Variants in ADAMTSL1 observed in about 807,000 individuals in gnomAD.
ADAMTSL1 encodes the protein ADAMTS like 1, also known as ADAMTS-like protein 1.
ADAMTSL1 carries 126 observed loss-of-function variants against 201.8 expected under a neutral mutation model. The observed-to-expected ratio is 0.62, with a 90% CI of 0.54 to 0.72. The LOEUF (loss-of-function observed/expected upper bound fraction) is 0.72. Ranked by LOEUF, ADAMTSL1 falls within the 30% of genes least tolerant of loss-of-function variation. The probability of loss-of-function intolerance (pLI) is 0.00; values close to 1 mark genes in which losing one functional copy is unlikely to be tolerated. For missense variants in ADAMTSL1, 2,679 were observed against 2,277.8 expected (o/e 1.18, Z -3.59); for synonymous variants, 1,121 against 903.4 (o/e 1.24, Z -4.32).
chr9:18,209,125 G>T (rs1427746253), intron 2 of ADAMTSL1, among the ~76,000 whole-genome samples: 1 of 152,090 alleles, frequency 6.6e-6, no homozygotes, highest in African/African-American at 2.4e-5. Context: ...ATTCAAATCT[G>T]CATTGTATAA....
rs76908162 is a variant in ADAMTSL1 at position 18,527,109 on chromosome 9, G to C, written c.192-6138G>C. On this transcript the variant is annotated intron_variant, in intron 2 of 28. Transcript: ENST00000380548. ...TGCACTCCAGGCTGGGTAACAGAAT[G>C]AGATGAGATGCTGTCTCAAAAAAGC... Among the ~76,000 whole-genome samples, 43 of 152,236 alleles carry C rather than the reference G, an allele frequency of 2.8e-4. No homozygotes were observed. The East Asian group carries it at 8.3e-3, about 29-fold the overall frequency.
chr9:18,131,884 G>A (rs1825967355), intron 1 of ADAMTSL1, among the ~76,000 whole-genome samples: 1 of 151,894 alleles, frequency 6.6e-6, no homozygotes, highest in Non-Finnish European at 1.5e-5. Context: ...TGGTGGGCAG[G>A]GTGAGATGAA....
intron 2 of ADAMTSL1, among the ~76,000 whole-genome samples, chr9:18,350,326 A>G (rs144728712): frequency 1.6e-3 from 242 of 152,196 alleles, no homozygotes; most frequent in African/African-American, 5.5e-3. Flanking sequence ...TGCTGCTGCT[A>G]AGGGCAGGGG....
chr9:18,102,945 C>A (rs912624430), intron 1 of ADAMTSL1, among the ~76,000 whole-genome samples: 1 of 152,190 alleles, frequency 6.6e-6, no homozygotes, highest in Non-Finnish European at 1.5e-5. Context: ...AGTTATGACA[C>A]TAACTTGATT....
intron 2 of ADAMTSL1, among the ~76,000 whole-genome samples, chr9:18,216,827 G>A (rs1830074296): frequency 6.6e-6 from 1 of 151,990 alleles, no homozygotes; most frequent in Non-Finnish European, 1.5e-5. Flanking sequence ...CATGTTAATA[G>A]TATTGCATGG....
intron 15 of ADAMTSL1, among the ~76,000 whole-genome samples, chr9:18,721,882 G>T (rs370750491): frequency 6.6e-6 from 1 of 152,220 alleles, no homozygotes; most frequent in East Asian, 1.9e-4. Flanking sequence ...GGAAGATACC[G>T]TGCATTCACT....
At chr9:18,684,826 C>G (rs762770635) in intron 13 of ADAMTSL1, 26 bp downstream of exon 13, 38 of 1,590,624 alleles carry the variant, frequency 2.4e-5, no homozygotes, top group South Asian at 1.8e-4. Context: ...ACAGACTGTT[C>G]TATATTTGAA....
Position 18,828,772 on chromosome 9 carries a change from A to G in ADAMTSL1, c.4115-1071A>G, listed in dbSNP as rs185826122. Among the ~76,000 whole-genome samples the G allele has an allele frequency of 9.4e-5, 14 of 148,982 alleles. No homozygotes were observed. The East Asian group carries it at 2.8e-3, about 30-fold the overall frequency. ...TCTAGTTCATCATTGTTTTCTCTAT[A>G]CAATGGTCTTTGTCAGTCAGACAGA... On this transcript the variant is annotated intron_variant, in intron 22 of 28. Transcript: ENST00000380548.
At chr9:18,690,213 T>C (rs750492803) in intron 13 of ADAMTSL1, among the ~76,000 whole-genome samples, 14 of 152,276 alleles carry the variant, frequency 9.2e-5, no homozygotes, top group Non-Finnish European at 1.9e-4. Flanking sequence ...GCCTTGTTTA[T>C]CTTGTTGAAA....
At chr9:18,448,396 A>T (rs980067897) in intron 2 of ADAMTSL1, among the ~76,000 whole-genome samples, 1 of 152,312 alleles carries the variant, frequency 6.6e-6, no homozygotes, top group African/African-American at 2.4e-5. Flanking sequence ...CAATGAGATC[A>T]GGGCCAAATG....
At chr9:18,382,718 C>T (rs956038375) in intron 2 of ADAMTSL1, among the ~76,000 whole-genome samples, 18 of 152,062 alleles carry the variant, frequency 1.2e-4, no homozygotes, top group African/African-American at 3.9e-4. Flanking sequence ...GCATTATGAA[C>T]GACATCACAG....
chr9:18,570,337 A>C (rs780714587), intron 3 of ADAMTSL1, among the ~76,000 whole-genome samples: 1 of 152,224 alleles, frequency 6.6e-6, no homozygotes, highest in Non-Finnish European at 1.5e-5. Context: ...ATCTCTATAC[A>C]AATTATTTTT....
intron 23 of ADAMTSL1, among the ~76,000 whole-genome samples, chr9:18,846,185 C>G (rs1826095521): frequency 6.6e-6 from 1 of 152,152 alleles, no homozygotes; most frequent in Admixed American, 6.5e-5. Flanking sequence ...CAGTAATAAG[C>G]CAAACAAATT....
Position 18,635,927 on chromosome 9 carries a change from CTT to C in ADAMTSL1, c.602-14_602-13del. On this transcript the variant is annotated splice_polypyrimidine_tract_variant and intron_variant, in intron 5 of 28. Coordinates refer to ENST00000380548, the MANE Select transcript of ADAMTSL1 (RefSeq NM_001040272.6). ...CAAGTGACATGCTTTTAAGATTTTG[CTT>C]TGTTTCTCTCTAGCGGATGATACTG... is the stretch of plus-strand genomic sequence containing the variant. 6.3e-7 allele frequency: 1 copy of C among 1,590,972 alleles called. No homozygotes were observed. Among genetic ancestry groups the C allele is most frequent in the South Asian group, 1.2e-5 (1 of 85,906 alleles).
intron 28 of ADAMTSL1, 138 bp downstream of exon 28, chr9:18,907,050 C>T (rs1156510361): frequency 5.9e-6 from 5 of 847,998 alleles, no homozygotes; most frequent in Non-Finnish European, 8.6e-6. Context: ...TGGAGTTGAG[C>T]ATTTCAGTGG....
chr9:18,780,503 T>C (rs1821332964), intron 19 of ADAMTSL1, among the ~76,000 whole-genome samples: 1 of 152,098 alleles, frequency 6.6e-6, no homozygotes, highest in African/African-American at 2.4e-5. Context: ...TTTATGTCTA[T>C]TTTTTTAATA....
In ADAMTSL1 at chr9:18,833,684, G is replaced by A. The variant is rs1243340068; in HGVS notation, c.4249+3707G>A. On this transcript the variant is annotated intron_variant, in intron 23 of 28. Transcript: ENST00000380548. ...TGATAGTTTCTTTTGTTGTGCAGAC[G>A]CTCTTTAATTAGATCTTGTTTGCCA... Among the ~76,000 whole-genome samples, 6 of 152,178 alleles carry A rather than the reference G, an allele frequency of 3.9e-5. No homozygotes were observed. In the East Asian group the frequency reaches 9.7e-4, roughly 25 times the overall value.
At chr9:18,568,373 C>A (rs1383938419) in intron 3 of ADAMTSL1, among the ~76,000 whole-genome samples, 2 of 152,116 alleles carry the variant, frequency 1.3e-5, no homozygotes, top group Admixed American at 1.3e-4. Context: ...GATTCGAAAG[C>A]TTTAGAGGAT....
chr9:18,152,573 C>G (rs150408210), intron 1 of ADAMTSL1, among the ~76,000 whole-genome samples: 1,679 of 151,960 alleles, frequency 0.011, 33 homozygotes, highest in African/African-American at 0.038. Context: ...GAGGACCCCC[C>G]AAATGAGAAA....
Sources: allele counts gnomAD v4.1 joint callset (sites outside exome capture counted in the v4.1 genomes callset), GRCh38; gene constraint gnomAD v4.1.1; transcripts MANE v1.5; gene names NCBI Gene and HGNC (gene_info 2026-07-23, HGNC 2026-07-21).